The following MBNL3 variants were observed in gnomAD, a reference collection of about 807,000 sequenced individuals.
MBNL3 encodes the protein muscleblind-like protein 3.
Under a neutral mutation model 24.5 loss-of-function variants are expected in MBNL3, and 6 were observed. That is an observed-to-expected ratio of 0.25 (90% CI 0.13 to 0.48). MBNL3 has a LOEUF of 0.48. MBNL3 is among the 20% of genes least tolerant of loss of function. The probability of loss-of-function intolerance (pLI) is 0.99; values close to 1 mark genes in which losing one functional copy is unlikely to be tolerated. For missense variants in MBNL3, 230 were observed against 293.5 expected, an observed-to-expected ratio of 0.78 and a Z score of 1.58; for synonymous variants, 100 against 101.7, an observed-to-expected ratio of 0.98 and a Z score of 0.10.
intron 1 of MBNL3, among the ~76,000 whole-genome samples, chrX:132,460,413 T>A (rs1426922582): frequency 8.9e-6 from 1 of 111,780 alleles, no homozygotes; most frequent in East Asian, 2.8e-4. Flanking sequence ...GCCTTGATCA[T>A]CATTCTACTT....
upstream of MBNL3, chrX:132,489,871 C>G (rs1365968587): frequency 8.9e-6 from 1 of 111,784 alleles, no homozygotes; most frequent in Non-Finnish European, 1.9e-5. Context: ...CGCCCCGGCT[C>G]CCGCGCCCAC....
At position 132,370,621 on chromosome X, in the gene MBNL3, A is replaced by G. The variant is rs1353824741; in HGVS notation, c.*9045T>C. 1 of 111,889 alleles carries G rather than the reference A, an allele frequency of 8.9e-6. No individual in the cohort carries two copies. The highest frequency in any genetic ancestry group is 3.2e-5 in the African/African-American group (1 of 30,789). 9.2% of individuals were successfully genotyped at this position (111,889 alleles called of 1,213,427 possible). Reference sequence around the variant, plus strand: ...TGTGAACACTTCCAGGACAGGCAGTATACTAAATACGGCCATTCTTGAACA... The same window carrying G: ...TGTGAACACTTCCAGGACAGGCAGTGTACTAAATACGGCCATTCTTGAACA... On this transcript the variant is annotated 3_prime_UTR_variant, in exon 9 of 9. Coordinates refer to ENST00000370853, the MANE Select transcript of MBNL3 (RefSeq NM_001386889.1).
intron 2 of MBNL3, among the ~76,000 whole-genome samples, chrX:132,427,412 C>T (rs1345169263): frequency 9.0e-6 from 1 of 111,090 alleles, no homozygotes; most frequent in African/African-American, 3.3e-5. Flanking sequence ...TGCAGAAACA[C>T]TAGAGATTAC....
rs1945290883 is a variant in MBNL3 at position 132,439,428 on chromosome X, G to A, written c.177+7C>T. 1 of 1,163,008 alleles carries A rather than the reference G, an allele frequency of 8.6e-7. No homozygotes were observed. The highest frequency in any genetic ancestry group is 2.4e-4 in the Middle Eastern group (1 of 4,159). ...ATTTAAATTATGTGCATTCAGATGGGACTCACCTTTAGAGAATCAAAACAG... is the reference window on the plus strand; with the variant it reads ...ATTTAAATTATGTGCATTCAGATGGAACTCACCTTTAGAGAATCAAAACAG... On this transcript the variant is annotated splice_region_variant and intron_variant, in intron 2 of 8. Transcript: ENST00000370853.
intron 3 of MBNL3, among the ~76,000 whole-genome samples, chrX:132,396,424 A>ATAT (rs1459730243): frequency 5.9e-5 from 5 of 84,176 alleles, no homozygotes. Context: ...TCCTATATAT[A>ATAT]TATTCCTATA....
At position 132,372,833 on chromosome X, in the gene MBNL3, C is replaced by T. The variant is rs1345738494; in HGVS notation, c.*6833G>A. 1 of 111,190 alleles carries T rather than the reference C, an allele frequency of 9.0e-6. No individual in the cohort carries two copies. Among genetic ancestry groups the T allele is most frequent in the South Asian group, 3.7e-4 (1 of 2,672 alleles). 9.2% of individuals were successfully genotyped at this position (111,190 alleles called of 1,213,427 possible). A position where few individuals can be genotyped will look rare whatever the true frequency, so the allele number is the denominator to read the frequency against. ...ATTTTGCAATATCTGCAAAGAGCTG[C>T]GACTTATTTCATAGTCATACATTTT... On this transcript the variant is annotated 3_prime_UTR_variant, in exon 9 of 9. Coordinates refer to ENST00000370853, the MANE Select transcript of MBNL3 (RefSeq NM_001386889.1).
intron 2 of MBNL3, among the ~76,000 whole-genome samples, chrX:132,409,263 G>GTT (rs1942359428): frequency 8.9e-6 from 1 of 112,082 alleles, no homozygotes; most frequent in African/African-American, 3.2e-5. Context: ...TTTTACATCT[G>GTT]TTAACACTTG....
At chrX:132,443,923 A>G (rs1202164122) in intron 1 of MBNL3, among the ~76,000 whole-genome samples, 1 of 96,852 alleles carries the variant, frequency 1.0e-5, no homozygotes, top group Non-Finnish European at 2.0e-5. Context: ...AACTTGCACA[A>G]CTTCATGAAG....
intron 1 of MBNL3, among the ~76,000 whole-genome samples, chrX:132,455,410 G>C (rs1484037628): frequency 2.7e-5 from 3 of 111,816 alleles, no homozygotes; most frequent in Non-Finnish European, 3.8e-5. Flanking sequence ...CCACGTTTTG[G>C]ATATCAAAAA....
rs1238819388 is a variant in MBNL3 at position 132,382,333 on chromosome X, C to T, written c.959-61G>A. The T allele has an allele frequency of 1.3e-5, 12 of 934,128 alleles. No homozygotes were observed. The East Asian group carries it at 3.1e-4, about 24-fold the overall frequency. 77.0% of individuals were successfully genotyped at this position (934,128 alleles called of 1,213,427 possible). A position where few individuals can be genotyped will look rare whatever the true frequency, so the allele number is the denominator to read the frequency against. ...GGGTAGAGGATTTATGCAACCATAACATTTACGATGGAATGAGGTGTGGTA... is the reference window on the plus strand; with the variant it reads ...GGGTAGAGGATTTATGCAACCATAATATTTACGATGGAATGAGGTGTGGTA... On this transcript the variant is annotated intron_variant, in intron 7 of 8. Transcript: ENST00000370853.
At chrX:132,488,205 G>A (rs902934217) in intron 1 of MBNL3, among the ~76,000 whole-genome samples, 2 of 108,036 alleles carry the variant, frequency 1.9e-5, no homozygotes, top group African/African-American at 6.7e-5. Flanking sequence ...CTATCATCTA[G>A]CTAGCTAGCT....
intron 2 of MBNL3, among the ~76,000 whole-genome samples, chrX:132,407,633 TA>T (rs1295743259): frequency 8.9e-6 from 1 of 112,120 alleles, no homozygotes; most frequent in Non-Finnish European, 1.9e-5. Context: ...TTTCAACATA[TA>T]TAATGAGTGT....
chrX:132,384,728 TAA>T, intron 6 of MBNL3, 30 bp from the exon 7 acceptor site: 1 of 1,096,674 alleles, frequency 9.1e-7, no homozygotes, highest in South Asian at 2.3e-5. Flanking sequence ...GCGTGGAAAG[TAA>T]AAGAGATATT....
At chrX:132,386,832 C>A in intron 5 of MBNL3, 21 bp from the exon 6 acceptor site, 6 of 1,205,330 alleles carry the variant, frequency 5.0e-6, no homozygotes, top group Non-Finnish European at 6.7e-6. Context: ...AGAGATGGTA[C>A]TAGTACTAGA....
chrX:132,393,798 C>T (rs1251640416), intron 3 of MBNL3, among the ~76,000 whole-genome samples: 2 of 111,085 alleles, frequency 1.8e-5, no homozygotes, highest in African/African-American at 3.3e-5. Flanking sequence ...AAAAAACCCC[C>T]GAATCTGTTG....
chrX:132,379,415 G>T lies in MBNL3; in HGVS notation c.*251C>A, dbSNP rs897660409. ...ACAAGTTACCAAATTTTATGGTCAT[G>T]TTCTGCTTGATAATTCAAATAGGAT... On this transcript the variant is annotated 3_prime_UTR_variant, in exon 9 of 9. Transcript: ENST00000370853. 6.1e-6 allele frequency: 2 copies of T among 327,561 alleles called. No individual in the cohort carries two copies. Among genetic ancestry groups the T allele is most frequent in the Non-Finnish European group, 1.1e-5 (2 of 185,736 alleles). The allele number at this position is 327,561 out of a possible 1,213,427, so 27.0% of individuals were successfully genotyped here.
chrX:132,439,524 G>C lies in MBNL3; in HGVS notation c.88C>G (p.Arg30Gly), dbSNP rs760824406. ...GCAAACTTGCAATCTGCATCAGCTC[G>C]AGAGCAAGTTCCTCTCTGAAATTCT... ...CREFQRGTCS[R>G]ADADCKFAHP... The change falls in exon 2 of 9, where the codon CGA (arginine) becomes GGA (glycine). Residue 30 changes from arginine (R) to glycine (G), a missense_variant. By Grantham distance (125) the Arg-to-Gly change is moderately radical. Coordinates refer to ENST00000370853, the MANE Select transcript of MBNL3 (RefSeq NM_001386889.1). 8.3e-7 allele frequency: 1 copy of C among 1,207,299 alleles called. No homozygotes were observed. Among genetic ancestry groups the C allele is most frequent in the African/African-American group, 1.8e-5 (1 of 56,757 alleles).
chrX:132,447,709 A>G (rs1249426451), intron 1 of MBNL3, among the ~76,000 whole-genome samples: 35 of 111,708 alleles, frequency 3.1e-4, no homozygotes. Flanking sequence ...GAGACAATTT[A>G]ACTTCCTCTC....
Position 132,459,366 on chromosome X carries a change from A to G in MBNL3, c.-703-19052T>C, listed in dbSNP as rs975051051. Among the ~76,000 whole-genome samples the G allele has an allele frequency of 1.2e-4, 13 of 111,217 alleles. No individual in the cohort carries two copies. The Admixed American group carries it at 1.2e-3, about 11-fold the overall frequency. ...CCACATACTTAATAAACCTGTGTAT[A>G]GAAAGAAGAGTACAACATAAATTTG... On this transcript the variant is annotated intron_variant, in intron 1 of 8. Coordinates refer to ENST00000370853, the MANE Select transcript of MBNL3 (RefSeq NM_001386889.1).
Sources: allele counts gnomAD v4.1 joint callset (sites outside exome capture counted in the v4.1 genomes callset), GRCh38; gene constraint gnomAD v4.1.1; transcripts MANE v1.5; gene names NCBI Gene and HGNC (gene_info 2026-07-23, HGNC 2026-07-21).